The following VPS41 variants were observed in gnomAD, a reference collection of about 807,000 sequenced individuals.
VPS41 encodes vacuolar protein sorting-associated protein 41 homolog.
VPS41 carries 85 observed loss-of-function variants against 130.9 expected under a neutral mutation model. The ratio of observed to expected loss-of-function variants is 0.65; its 90% CI spans 0.55 to 0.78. The LOEUF (loss-of-function observed/expected upper bound fraction) is 0.78, where lower values mean the gene tolerates loss of function less well. VPS41 is among the 30% of genes least tolerant of loss of function. VPS41 has a pLI of 0.00. For missense variants in VPS41, 874 were observed against 1,018.7 expected (o/e 0.86, Z 1.93); for synonymous variants, 335 against 332.9 (o/e 1.01, Z -0.07).
At chr7:38,744,108 C>A (rs978395437) in intron 23 of VPS41, among the ~76,000 whole-genome samples, 1 of 152,210 alleles carries the variant, frequency 6.6e-6, no homozygotes, top group Non-Finnish European at 1.5e-5. Flanking sequence ...TTCTCTCCCA[C>A]GTTCAGGGGA....
rs368076730 is a variant in VPS41 at position 38,897,416 on chromosome 7, C to T, written c.60+675G>A. Among the ~76,000 whole-genome samples the T allele has an allele frequency of 3.3e-5, 5 of 151,850 alleles. 1 individual carries two copies. Among genetic ancestry groups the T allele is most frequent in the East Asian group, 3.9e-4 (2 of 5,146 alleles). On this transcript the variant is annotated intron_variant, in intron 2 of 28. Transcript: ENST00000310301. ...ATCCCAGCACTTTGGGAGGCAGAGG[C>T]GGGTGGATCACAAGGTCAGGAGATC...
At chr7:38,853,418 C>CAAAAAAAAAAAAAAA (rs57368681) in intron 4 of VPS41, among the ~76,000 whole-genome samples, 1 of 78,942 alleles carries the variant, frequency 1.3e-5, no homozygotes. Flanking sequence ...GACTCCTTCT[C>CAAAAAAAAAAAAAAA]AAAAAAAAAA....
At chr7:38,903,012 G>C (rs1312326131) in intron 1 of VPS41, among the ~76,000 whole-genome samples, 1 of 144,010 alleles carries the variant, frequency 6.9e-6, no homozygotes, top group African/African-American at 2.4e-5. Flanking sequence ...GATGAGACAA[G>C]CTGCCAATCT....
intron 25 of VPS41, among the ~76,000 whole-genome samples, chr7:38,733,568 C>A (rs1207695285): frequency 1.3e-5 from 2 of 152,186 alleles, no homozygotes; most frequent in Non-Finnish European, 1.5e-5. Flanking sequence ...GTCTAACTGG[C>A]CTTTCAAAGA....
At chr7:38,734,183 A>T (rs1005969697) in intron 25 of VPS41, among the ~76,000 whole-genome samples, 1 of 152,222 alleles carries the variant, frequency 6.6e-6, no homozygotes, top group South Asian at 2.1e-4. Flanking sequence ...AAATACTTGT[A>T]GGCATAGCTT....
chr7:38,764,752 A>G (rs1300784248), intron 16 of VPS41, among the ~76,000 whole-genome samples: 1 of 152,156 alleles, frequency 6.6e-6, no homozygotes, highest in African/African-American at 2.4e-5. Context: ...CACAGACTCA[A>G]TGGAAAAGGA....
intron 4 of VPS41, among the ~76,000 whole-genome samples, chr7:38,858,042 G>T (rs1156559486): frequency 6.6e-6 from 1 of 152,110 alleles, no homozygotes; most frequent in Non-Finnish European, 1.5e-5. Context: ...GAAGACCAAG[G>T]TTCTTACTAT....
chr7:38,881,913 A>G (rs1454112817), intron 2 of VPS41, among the ~76,000 whole-genome samples: 2 of 152,138 alleles, frequency 1.3e-5, no homozygotes, highest in Non-Finnish European at 2.9e-5. Flanking sequence ...AAAAATAATA[A>G]AATAGCAGCA....
Position 38,739,876 on chromosome 7 carries a change from A to G in VPS41, c.2259+2109T>C, listed in dbSNP as rs115172303. Among the ~76,000 whole-genome samples, 845 of 152,332 alleles carry G rather than the reference A, an allele frequency of 5.5e-3. 7 individuals carry two copies. The highest frequency in any genetic ancestry group is 0.018 in the African/African-American group (768 of 41,564). On this transcript the variant is annotated intron_variant, in intron 25 of 28. Transcript: ENST00000310301. ...AAGGAAAAGCTCTAATTAAGAAAAAATATTTAGTAGCTTCTTTAGTAGATA... is the reference window on the plus strand; with the variant it reads ...AAGGAAAAGCTCTAATTAAGAAAAAGTATTTAGTAGCTTCTTTAGTAGATA...
chr7:38,758,512 A>G (rs1562574896), intron 17 of VPS41, 31 bp from the exon 18 acceptor site: 3 of 1,595,868 alleles, frequency 1.9e-6, no homozygotes, highest in Non-Finnish European at 2.6e-6. Context: ...GAAAAAGAAC[A>G]CTCATTCAAC....
intron 5 of VPS41, among the ~76,000 whole-genome samples, chr7:38,829,516 T>C (rs1420970044): frequency 1.3e-5 from 2 of 152,210 alleles, no homozygotes; most frequent in African/African-American, 4.8e-5. Flanking sequence ...TTAAATACAC[T>C]GTGCATTAGG....
chr7:38,793,126 T>C (rs945181533), intron 9 of VPS41, among the ~76,000 whole-genome samples: 3 of 152,210 alleles, frequency 2.0e-5, no homozygotes, highest in Admixed American at 6.5e-5. Context: ...CCTTTTTATT[T>C]GCCACCTTCA....
chr7:38,783,817 A>G (rs1394360855), intron 10 of VPS41, among the ~76,000 whole-genome samples: 1 of 152,130 alleles, frequency 6.6e-6, no homozygotes, highest in Admixed American at 6.5e-5. Flanking sequence ...AAAGTAAAAA[A>G]CCATCCTCCA....
chr7:38,906,901 C>A (rs1040608249), intron 1 of VPS41, among the ~76,000 whole-genome samples: 15 of 152,184 alleles, frequency 9.9e-5, no homozygotes, highest in African/African-American at 3.4e-4. Flanking sequence ...TAGATATAAG[C>A]CTGAGCACGT....
chr7:38,797,008 T>C (rs955842829), intron 7 of VPS41, 144 bp from the exon 8 acceptor site: 4 of 873,112 alleles, frequency 4.6e-6, no homozygotes, highest in Non-Finnish European at 6.9e-6. Flanking sequence ...CAGTAGTATG[T>C]TATTTGTACC....
At chr7:38,876,112 C>T (rs1786485453) in intron 2 of VPS41, among the ~76,000 whole-genome samples, 2 of 152,128 alleles carry the variant, frequency 1.3e-5, no homozygotes, top group South Asian at 4.1e-4. Context: ...AAAGGTGCTA[C>T]TGACATCTAG....
chr7:38,834,468 G>T (rs1785451654), intron 4 of VPS41, among the ~76,000 whole-genome samples: 1 of 152,110 alleles, frequency 6.6e-6, no homozygotes, highest in South Asian at 2.1e-4. Context: ...AGAGTGTGTA[G>T]GGGGAGCACA....
intron 4 of VPS41, among the ~76,000 whole-genome samples, chr7:38,855,478 C>T (rs977577308): frequency 1.3e-5 from 2 of 152,104 alleles, no homozygotes; most frequent in African/African-American, 4.8e-5. Context: ...GCAATACAGT[C>T]CAAAAGATGG....
chr7:38,808,697 T>C (rs560928059), intron 7 of VPS41, among the ~76,000 whole-genome samples: 2 of 152,258 alleles, frequency 1.3e-5, no homozygotes, highest in South Asian at 4.1e-4. Flanking sequence ...ATCTGAAAAC[T>C]TGCGGAAATA....
Sources: gnomAD v4.1 joint callset for allele counts (sites outside exome capture counted in the v4.1 genomes callset) on GRCh38, gnomAD v4.1.1 for gene constraint, MANE v1.5 for transcripts, NCBI Gene and HGNC (gene_info 2026-07-23, HGNC 2026-07-21) for gene names.